The following CERS3 variants were observed in gnomAD, a reference collection of about 807,000 sequenced individuals.
CERS3 encodes LAG1 homolog, ceramide synthase 3.
Under a neutral mutation model 50.3 loss-of-function variants are expected in CERS3, and 33 were observed. That is an observed-to-expected ratio of 0.66 (90% confidence interval 0.50 to 0.88). The LOEUF is 0.88. CERS3 is among the 40% of genes least tolerant of loss of function. CERS3 has a pLI of 0.00. For synonymous variants in CERS3, 176 were observed against 155.2 expected (o/e 1.13, Z -0.99); for missense variants, 470 against 460.3 (o/e 1.02, Z -0.19).
At chr15:100,442,534 A>G (rs1444907605) in intron 11 of CERS3, among the ~76,000 whole-genome samples, 1 of 152,190 alleles carries the variant, frequency 6.6e-6, no homozygotes, top group Non-Finnish European at 1.5e-5. Context: ...GCATTCCTCC[A>G]GAACTGCCTC....
intron 11 of CERS3, among the ~76,000 whole-genome samples, chr15:100,417,816 G>T (rs1202281669): frequency 6.6e-6 from 1 of 151,760 alleles, no homozygotes; most frequent in Non-Finnish European, 1.5e-5. Context: ...CCCCAGCAAG[G>T]GCACACTGAC....
chr15:100,479,314 A>C, intron 7 of CERS3, 114 bp downstream of exon 7: 1 of 700,550 alleles, frequency 1.4e-6, no homozygotes, highest in South Asian at 2.1e-5. Context: ...AAAAAGTGCC[A>C]GGGATGACAC....
intron 3 of CERS3, among the ~76,000 whole-genome samples, chr15:100,493,830 G>C (rs967620990): frequency 6.6e-6 from 1 of 151,950 alleles, no homozygotes; most frequent in Admixed American, 6.5e-5. Flanking sequence ...ACTTCTATTT[G>C]GTTCTTTGTT....
At chr15:100,499,965 C>T (rs2035949170) in intron 3 of CERS3, among the ~76,000 whole-genome samples, 1 of 152,200 alleles carries the variant, frequency 6.6e-6, no homozygotes, top group African/African-American at 2.4e-5. Context: ...CTCATTTCCA[C>T]ACCTGCAGAC....
intron 9 of CERS3, among the ~76,000 whole-genome samples, chr15:100,469,848 C>T (rs1169862523): frequency 2.0e-5 from 3 of 152,074 alleles, no homozygotes; most frequent in Non-Finnish European, 2.9e-5. Context: ...CTCCATTTAA[C>T]TGGGAGGAGA....
chr15:100,487,510 A>G (rs2035523504), intron 4 of CERS3, among the ~76,000 whole-genome samples: 1 of 152,214 alleles, frequency 6.6e-6, no homozygotes, highest in Non-Finnish European at 1.5e-5. Flanking sequence ...CTAACCTTAC[A>G]TGGTCTGTCC....
intron 11 of CERS3, among the ~76,000 whole-genome samples, chr15:100,421,282 A>T (rs1182452878): frequency 6.7e-6 from 1 of 148,940 alleles, no homozygotes; most frequent in Admixed American, 6.6e-5. Flanking sequence ...ATTCTTATAC[A>T]CCAATAACAG....
chr15:100,484,448 T>TGA, intron 5 of CERS3, 102 bp downstream of exon 5: 1 of 802,654 alleles, frequency 1.2e-6, no homozygotes, highest in Non-Finnish European at 2.1e-6. Flanking sequence ...CAGAGCTGGG[T>TGA]CTGAACCCTC....
chr15:100,401,874 C>T lies in CERS3; in HGVS notation c.*839G>A, dbSNP rs530834559. ...AGGGCCTAAGCTTCCTTCCTTGAACCATGGGTCCTGAGGGAGAAGAATTCC... is the reference window on the plus strand; with the variant it reads ...AGGGCCTAAGCTTCCTTCCTTGAACTATGGGTCCTGAGGGAGAAGAATTCC... On this transcript the variant is annotated 3_prime_UTR_variant, in exon 12 of 12. Coordinates refer to ENST00000679737, the MANE Select transcript of CERS3 (RefSeq NM_001378789.1). The T allele has an allele frequency of 6.6e-6, 1 of 152,378 alleles. No individual in the cohort carries two copies. The highest frequency in any genetic ancestry group is 2.4e-5 in the African/African-American group (1 of 41,586). 9.4% of individuals were successfully genotyped at this position (152,378 alleles called of 1,614,324 possible). A position where few individuals can be genotyped will look rare whatever the true frequency, so the allele number is the denominator to read the frequency against.
At chr15:100,533,779 C>T (rs759943668), upstream of CERS3, among the ~76,000 whole-genome samples, 1 of 152,042 alleles carries the variant, frequency 6.6e-6, no homozygotes, top group Non-Finnish European at 1.5e-5. Context: ...AGGATGGTCT[C>T]GATCTCCTGA....
intron 2 of CERS3, among the ~76,000 whole-genome samples, chr15:100,504,892 A>G (rs1421094743): frequency 6.6e-6 from 1 of 152,208 alleles, no homozygotes; most frequent in East Asian, 1.9e-4. Flanking sequence ...AGAGAAATCT[A>G]TTTTGAAGTA....
Position 100,543,599 on chromosome 15 carries a change from G to A in CERS3, c.-355+1052C>T, listed in dbSNP as rs373249385. On this transcript the variant is annotated intron_variant, in intron 1 of 12. Coordinates refer to the CERS3 transcript ENST00000284382. ...GGCTGGAGTGCAATGGCGCGATCTC[G>A]GCTCACTGTCACCTCTGCCTCCTGG... Among the ~76,000 whole-genome samples the A allele has an allele frequency of 2.3e-4, 35 of 150,086 alleles. No homozygotes were observed. The East Asian group carries it at 4.4e-3, about 19-fold the overall frequency.
At chr15:100,489,103 A>T (rs2035574824) in intron 4 of CERS3, among the ~76,000 whole-genome samples, 1 of 152,202 alleles carries the variant, frequency 6.6e-6, no homozygotes, top group African/African-American at 2.4e-5. Context: ...ACTGGATGCA[A>T]ATGTCAAAAT....
rs147633364 is a variant in CERS3 at position 100,440,378 on chromosome 15, A to T, written c.999+15515T>A. Among the ~76,000 whole-genome samples the T allele has an allele frequency of 9.8e-3, 1,489 of 152,276 alleles. 28 individuals are homozygous for T. Among genetic ancestry groups the T allele is most frequent in the African/African-American group, 0.034 (1,410 of 41,542 alleles). ...CTTGTGAAATTCCTTCTCCTGGCTC[A>T]TTCTGGCTCAAAAGCTCCCCTACTG... On this transcript the variant is annotated intron_variant, in intron 11 of 11. Transcript: ENST00000679737.
intron 11 of CERS3, among the ~76,000 whole-genome samples, chr15:100,447,404 T>C (rs1427120138): frequency 6.6e-6 from 1 of 152,214 alleles, no homozygotes; most frequent in African/African-American, 2.4e-5. Flanking sequence ...GCAATGTACA[T>C]CTTACATGCA....
At chr15:100,446,820 T>C (rs969047099) in intron 11 of CERS3, among the ~76,000 whole-genome samples, 6 of 152,122 alleles carry the variant, frequency 3.9e-5, no homozygotes, top group Non-Finnish European at 7.4e-5. Context: ...GAGGCCATGA[T>C]GGGAAGTGAG....
intron 11 of CERS3, chr15:100,426,123 T>G (rs937674044): frequency 6.6e-6 from 1 of 151,972 alleles, no homozygotes; most frequent in Non-Finnish European, 1.5e-5. Flanking sequence ...TTAAAAAAAG[T>G]TGAAAAAGAA....
intron 4 of CERS3, among the ~76,000 whole-genome samples, chr15:100,489,024 C>G (rs1256445216): frequency 6.6e-6 from 1 of 152,214 alleles, no homozygotes; most frequent in Non-Finnish European, 1.5e-5. Flanking sequence ...ATCCACCCAC[C>G]TTGGGCTCCC....
intron 10 of CERS3, among the ~76,000 whole-genome samples, chr15:100,463,141 T>C (rs1051883252): frequency 2.7e-4 from 41 of 152,088 alleles, no homozygotes; most frequent in African/African-American, 8.4e-4. Context: ...TATCTAGGGG[T>C]TCTCTGTAGT....
Sources: allele counts gnomAD v4.1 joint callset (sites outside exome capture counted in the v4.1 genomes callset), GRCh38; gene constraint gnomAD v4.1.1; transcripts MANE v1.5; gene names NCBI Gene and HGNC (gene_info 2026-07-23, HGNC 2026-07-21).